The following BLTP3B variants were observed in gnomAD, a reference collection of about 807,000 sequenced individuals.
BLTP3B encodes the protein UHRF1 (ICBP90) binding protein 1-like.
the BLTP3B span, chr12:100,142,848 T>TTAAGA: frequency 1.6e-6 from 1 of 614,688 alleles, no homozygotes; most frequent in Non-Finnish European, 2.7e-6. Context: ...GGGCGCCATC[T>TTAAGA]TGGCTGCAGC....
At chr12:100,047,279 C>T in the BLTP3B span, among the ~76,000 whole-genome samples, 1 of 152,056 alleles carries the variant, frequency 6.6e-6, no homozygotes, top group South Asian at 2.1e-4. Flanking sequence ...GGGTAGATAA[C>T]CTGAAGTCAG....
At chr12:100,098,393 C>A in the BLTP3B span, 2 of 1,612,398 alleles carry the variant, frequency 1.2e-6, no homozygotes, top group Non-Finnish European at 1.7e-6. Flanking sequence ...AATCTCAAAT[C>A]TCCATGTTCC....
the BLTP3B span, among the ~76,000 whole-genome samples, chr12:100,065,879 C>T: frequency 6.6e-6 from 1 of 152,240 alleles, no homozygotes; most frequent in East Asian, 1.9e-4. Context: ...TGACCTACTC[C>T]CTGTTCATAC....
the BLTP3B span, chr12:100,089,173 T>C: frequency 3.7e-5 from 46 of 1,259,890 alleles, no homozygotes; most frequent in African/African-American, 1.5e-5. Flanking sequence ...GTATTTTCAG[T>C]CGAAAGTCAT....
the BLTP3B span, among the ~76,000 whole-genome samples, chr12:100,056,123 G>T: frequency 1.3e-5 from 2 of 152,204 alleles, no homozygotes; most frequent in Non-Finnish European, 2.9e-5. Context: ...TGAAATTCAT[G>T]TGTTGGCAAA....
chr12:100,070,047 C>A, the BLTP3B span: 8 of 1,384,102 alleles, frequency 5.8e-6, no homozygotes, highest in Non-Finnish European at 7.5e-6. Flanking sequence ...GGAGAAAAAA[C>A]AATGAATTTA....
the BLTP3B span, among the ~76,000 whole-genome samples, chr12:100,041,997 G>C: frequency 6.6e-6 from 1 of 151,914 alleles, no homozygotes; most frequent in African/African-American, 2.4e-5. Context: ...ACAAATGAAA[G>C]AAAACAATTC....
chr12:100,058,172 T>C, the BLTP3B span: 1 of 1,613,346 alleles, frequency 6.2e-7, no homozygotes, highest in East Asian at 2.2e-5. Flanking sequence ...CTTTACTAGT[T>C]AAAGTACTTG....
the BLTP3B span, chr12:100,072,682 C>A: frequency 6.6e-7 from 1 of 1,518,190 alleles, no homozygotes; most frequent in South Asian, 1.3e-5. Context: ...TTGGAAAATC[C>A]TTTCCATCTG....
chr12:100,128,610 T>C, the BLTP3B span: 1 of 1,283,640 alleles, frequency 7.8e-7, no homozygotes, highest in Non-Finnish European at 1.0e-6. Context: ...AAAAGGTCCC[T>C]ATTCCTGGTG....
At chr12:100,042,740 G>C in the BLTP3B span, among the ~76,000 whole-genome samples, 1 of 152,154 alleles carries the variant, frequency 6.6e-6, no homozygotes, top group Non-Finnish European at 1.5e-5. Flanking sequence ...ACCTTGAGGC[G>C]TGAGCAAAAA....
the BLTP3B span, among the ~76,000 whole-genome samples, chr12:100,126,165 C>T: frequency 7.9e-5 from 12 of 152,238 alleles, no homozygotes; most frequent in African/African-American, 2.2e-4. Context: ...ACTCAAGCTA[C>T]GTTTTTAAAC....
chr12:100,085,641 G>T, the BLTP3B span, among the ~76,000 whole-genome samples: 2 of 152,082 alleles, frequency 1.3e-5, no homozygotes, highest in East Asian at 3.8e-4. Flanking sequence ...TTTTTTAAAT[G>T]TCCTGGAAAA....
At chr12:100,078,792 G>A in the BLTP3B span, among the ~76,000 whole-genome samples, 1 of 152,158 alleles carries the variant, frequency 6.6e-6, no homozygotes, top group Non-Finnish European at 1.5e-5. Context: ...TGGTTTGGCT[G>A]TGTCCCCACC....
chr12:100,095,938 T>C, the BLTP3B span: 3 of 1,100,560 alleles, frequency 2.7e-6, no homozygotes, highest in South Asian at 1.8e-5. Flanking sequence ...AATAGAAATA[T>C]GGATTCTTCC....
chr12:100,087,099 C>A, the BLTP3B span, among the ~76,000 whole-genome samples: 3 of 133,944 alleles, frequency 2.2e-5, no homozygotes, highest in East Asian at 2.1e-4. Context: ...GCAGAGGCTG[C>A]AGTGAGCCGA....
At chr12:100,047,943 TTTTAAA>T in the BLTP3B span, 1 of 1,474,406 alleles carries the variant, frequency 6.8e-7, no homozygotes, top group Non-Finnish European at 9.0e-7. Context: ...ATTAACATAC[TTTTAAA>T]TTTATTTTCG....
the BLTP3B span, among the ~76,000 whole-genome samples, chr12:100,053,840 AT>A: frequency 6.6e-6 from 1 of 152,204 alleles, no homozygotes; most frequent in Admixed American, 6.5e-5. Flanking sequence ...TCACATTAGT[AT>A]CTCCCTTATT....
the BLTP3B span, among the ~76,000 whole-genome samples, chr12:100,106,686 C>T: frequency 6.6e-6 from 1 of 152,124 alleles, no homozygotes; most frequent in Admixed American, 6.6e-5. Context: ...GCACTAAAAT[C>T]CCAGACTTTA....
Sources: gnomAD v4.1 joint callset for allele counts (sites outside exome capture counted in the v4.1 genomes callset) on GRCh38, gnomAD v4.1.1 for gene constraint, MANE v1.5 for transcripts, NCBI Gene and HGNC (gene_info 2026-07-23, HGNC 2026-07-21) for gene names.